Variants in TMEM62 observed in about 807,000 individuals in gnomAD.
TMEM62 encodes the protein transmembrane protein 62.
Under a neutral mutation model 70.4 loss-of-function variants are expected in TMEM62, and 41 were observed. The observed-to-expected ratio is 0.58, with a 90% CI of 0.45 to 0.76. The LOEUF is 0.76. Among genes scored for constraint, TMEM62 ranks in the 30% least tolerant of loss-of-function variants. The pLI, the probability that TMEM62 is intolerant of heterozygous loss-of-function variation, is 0.00. For missense variants in TMEM62, 688 were observed against 788.5 expected (o/e 0.87, Z 1.53); for synonymous variants, 268 against 291.0 (o/e 0.92, Z 0.80).
intron 4 of TMEM62, among the ~76,000 whole-genome samples, chr15:43,141,060 T>C (rs2035936071): frequency 1.3e-5 from 2 of 152,212 alleles, no homozygotes; most frequent in Admixed American, 1.3e-4. Flanking sequence ...TTGCCTCCAA[T>C]GGCATTGTAC....
chr15:43,165,212 G>A (rs2039242762), intron 10 of TMEM62, among the ~76,000 whole-genome samples: 1 of 151,332 alleles, frequency 6.6e-6, no homozygotes, highest in Non-Finnish European at 1.5e-5. Context: ...GTCCTGTTGA[G>A]GCTGTTTTCT....
At position 43,167,287 on chromosome 15, in the gene TMEM62, CG is replaced by C. The variant is rs1440790327; in HGVS notation, c.1297-2302del. Reference sequence around the variant, plus strand: ...CTGACCCCCCCACCTCCCTCCCGGACGGGGTGGCTGCCGGGCGGAGACGCTC... The same window carrying C: ...CTGACCCCCCCACCTCCCTCCCGGACGGGTGGCTGCCGGGCGGAGACGCTC... On this transcript the variant is annotated intron_variant, in intron 10 of 13. Transcript: ENST00000260403. Among the ~76,000 whole-genome samples, 27 of 151,248 alleles carry C rather than the reference CG, an allele frequency of 1.8e-4. 1 individual carries two copies. In the East Asian group the frequency reaches 5.4e-3, roughly 30 times the overall value.
At chr15:43,146,279 T>C in intron 4 of TMEM62, 1 of 437,456 alleles carries the variant, frequency 2.3e-6, no homozygotes, top group Non-Finnish European at 4.1e-6. Context: ...AACTTGTATT[T>C]GGTTATTGAA....
At chr15:43,162,792 C>T (rs1464864723) in intron 10 of TMEM62, among the ~76,000 whole-genome samples, 4 of 152,066 alleles carry the variant, frequency 2.6e-5, no homozygotes, top group Non-Finnish European at 5.9e-5. Context: ...TAATTTGCCC[C>T]TCTACTGTAT....
At chr15:43,145,723 T>C (rs2036587906) in intron 4 of TMEM62, among the ~76,000 whole-genome samples, 1 of 152,256 alleles carries the variant, frequency 6.6e-6, no homozygotes, top group African/African-American at 2.4e-5. Context: ...AAAAATCATG[T>C]AAGACACTTA....
intron 9 of TMEM62, among the ~76,000 whole-genome samples, chr15:43,160,011 C>A (rs1394025266): frequency 2.0e-5 from 3 of 152,056 alleles, no homozygotes; most frequent in Non-Finnish European, 4.4e-5. Flanking sequence ...CTCTGTCACC[C>A]AGGCTGGAGT....
rs1360610442 is a variant in TMEM62 at position 43,148,754 on chromosome 15, GA to G, written c.623del (p.Lys208ArgfsTer39). On this transcript the variant is annotated frameshift_variant and splice_region_variant, in exon 6 of 14. Transcript: ENST00000260403. LOFTEE classifies it high-confidence loss of function. The stretch of plus-strand genomic sequence containing the variant: ...ATCCTTCCATTTTTCTCCCATCTCA[GA>G]AAAAGATGGAGGAGCTCTTATTACT... ...PYNFFGILDK[K>X]KMEELLLLAK... 1 of 1,611,300 alleles carries G rather than the reference GA, an allele frequency of 6.2e-7. No individual in the cohort carries two copies. Among genetic ancestry groups the G allele is most frequent in the Non-Finnish European group, 8.5e-7 (1 of 1,179,348 alleles).
At chr15:43,161,452 T>C (rs1054353046) in intron 10 of TMEM62, among the ~76,000 whole-genome samples, 7 of 149,192 alleles carry the variant, frequency 4.7e-5, no homozygotes, top group African/African-American at 1.7e-4. Flanking sequence ...TAAAGAATAT[T>C]TCTTTCCACA....
intron 4 of TMEM62, among the ~76,000 whole-genome samples, chr15:43,145,086 AGAGT>A (rs1472114133): frequency 1.7e-5 from 2 of 119,694 alleles, no homozygotes; most frequent in African/African-American, 6.3e-5. Flanking sequence ...CCTGGGCGAC[AGAGT>A]GAGACTCCGT....
chr15:43,149,029 T>G lies in TMEM62; in HGVS notation c.744T>G (p.Ser248Arg). Residue 248 changes from serine (S) to arginine (R), a missense_variant and splice_region_variant, in exon 7 of 14, where the codon AGT becomes AGG. Physicochemically the swap from Ser to Arg is moderately radical, Grantham distance 110. Transcript: ENST00000260403. ...SPSPGIRSIM[S>R]SAIAYLCGHL... ...ATTTCATTTATTTTTCATTGGTTAG[T>G]TCGGCTATAGCTTATTTGTGTGGAC... 6.2e-7 allele frequency: 1 copy of G among 1,613,838 alleles called. No homozygotes were observed. The highest frequency in any genetic ancestry group is 8.5e-7 in the Non-Finnish European group (1 of 1,179,912).
chr15:43,180,092 G>A (rs985768867), intron 12 of TMEM62, among the ~76,000 whole-genome samples: 1 of 152,110 alleles, frequency 6.6e-6, no homozygotes, highest in Non-Finnish European at 1.5e-5. Context: ...ACTTTTTAAA[G>A]CTGAACCCTA....
chr15:43,133,632 C>T lies in TMEM62; in HGVS notation c.-171C>T, dbSNP rs2034697736. The T allele has an allele frequency of 4.7e-6, 2 of 429,550 alleles. No individual in the cohort carries two copies. The highest frequency in any genetic ancestry group is 7.7e-6 in the Non-Finnish European group (2 of 258,970). The allele number at this position is 429,550 out of a possible 1,614,324, so 26.6% of individuals were successfully genotyped here. A position where few individuals can be genotyped will look rare whatever the true frequency, so the allele number is the denominator to read the frequency against. ...CAGGTGCTGGGCGGCGGCTGACGGG[C>T]GCAGCACCCTAGGCCCAGTGTCTGG... On this transcript the variant is annotated 5_prime_UTR_variant, in exon 1 of 14. Coordinates refer to ENST00000260403, the MANE Select transcript of TMEM62 (RefSeq NM_024956.4).
intron 11 of TMEM62, among the ~76,000 whole-genome samples, chr15:43,171,336 T>TA (rs74525020): frequency 2.7e-3 from 372 of 138,762 alleles, no homozygotes; most frequent in Admixed American, 2.9e-3. Context: ...ACTCTGTCCT[T>TA]AAAAAAAAAA....
chr15:43,172,419 G>A (rs2040288854), intron 11 of TMEM62, among the ~76,000 whole-genome samples: 1 of 152,166 alleles, frequency 6.6e-6, no homozygotes, highest in South Asian at 2.1e-4. Flanking sequence ...AATTTCGGGT[G>A]TTCACCTAAG....
At chr15:43,176,065 G>A (rs768255647) in intron 11 of TMEM62, among the ~76,000 whole-genome samples, 38 of 152,234 alleles carry the variant, frequency 2.5e-4, no homozygotes, top group Admixed American at 6.5e-4. Context: ...CTACACCCAC[G>A]GAGTCTCGCT....
At chr15:43,147,145 G>A (rs550010596) in intron 5 of TMEM62, among the ~76,000 whole-genome samples, 1 of 152,168 alleles carries the variant, frequency 6.6e-6, no homozygotes, top group East Asian at 1.9e-4. Flanking sequence ...TGCATTTTTA[G>A]TAGAAAGGGG....
intron 11 of TMEM62, among the ~76,000 whole-genome samples, chr15:43,177,112 T>G (rs2040841196): frequency 6.6e-6 from 1 of 151,508 alleles, no homozygotes; most frequent in African/African-American, 2.4e-5. Context: ...ATGAATGAAA[T>G]GAAGCGAGAA....
chr15:43,161,629 T>C (rs2038711416), intron 10 of TMEM62, among the ~76,000 whole-genome samples: 1 of 152,130 alleles, frequency 6.6e-6, no homozygotes, highest in African/African-American at 2.4e-5. Flanking sequence ...TATGTGTGTG[T>C]GTATATATGT....
chr15:43,140,642 C>A (rs1205910975), intron 4 of TMEM62, among the ~76,000 whole-genome samples: 4 of 152,202 alleles, frequency 2.6e-5, no homozygotes, highest in Non-Finnish European at 5.9e-5. Context: ...ATTTGTACCT[C>A]TTTTCAGTGA....
Sources: gnomAD v4.1 joint callset for allele counts (sites outside exome capture counted in the v4.1 genomes callset) on GRCh38, gnomAD v4.1.1 for gene constraint, MANE v1.5 for transcripts, NCBI Gene and HGNC (gene_info 2026-07-23, HGNC 2026-07-21) for gene names.